TRPM1: variants seen among roughly 807,000 people sequenced by gnomAD.
TRPM1 encodes transient receptor potential cation channel subfamily M member 1, also known as TRPM1-203 APA Isoform, Intron 10.
A neutral mutation model predicts 149.4 loss-of-function variants in TRPM1; 113 were observed. The ratio of observed to expected loss-of-function variants is 0.76; its 90% CI spans 0.65 to 0.88. The LOEUF is 0.88. TRPM1 is among the 40% of genes least tolerant of loss of function. The probability of loss-of-function intolerance (pLI) is 0.00; values close to 1 mark genes in which losing one functional copy is unlikely to be tolerated. For synonymous variants in TRPM1, 741 were observed against 759.5 expected (o/e 0.98, Z 0.40); for missense variants, 1,976 against 2,038.7 (o/e 0.97, Z 0.59).
Position 31,067,117 on chromosome 15 carries a change from T to G in TRPM1, c.564A>C (p.Ile188=), listed in dbSNP as rs886793709. 2 of 1,614,072 alleles carry G rather than the reference T, an allele frequency of 1.2e-6. No homozygotes were observed. The highest frequency in any genetic ancestry group is 2.2e-5 in the East Asian group (1 of 44,902). Residue 188 remains isoleucine, a synonymous_variant, in exon 6 of 28, where the codon ATA becomes ATC. Transcript: ENST00000256552. The part of the protein sequence containing the change: ...SSKSRGRVCA[I]GIAPWGIVEN... The stretch of plus-strand genomic sequence containing the variant: ...CCACGATGCCCCATGGAGCAATTCC[T>G]ATAGCACAAACCCGGCCTCTGGACT...
At chr15:31,067,743 A>G (rs2034420172) in intron 5 of TRPM1, 136 bp downstream of exon 5, 2 of 869,254 alleles carry the variant, frequency 2.3e-6, no homozygotes, top group African/African-American at 3.4e-5. Context: ...CTAGGGAATA[A>G]AGACTTCACT....
At chr15:31,143,368 T>C (rs1260935550) in intron 1 of TRPM1, among the ~76,000 whole-genome samples, 1 of 152,148 alleles carries the variant, frequency 6.6e-6, no homozygotes, top group Non-Finnish European at 1.5e-5. Context: ...GTTGGTTCAT[T>C]TAATGTTTTG....
chr15:31,100,811 A>G (rs1229477622), intron 1 of TRPM1, among the ~76,000 whole-genome samples: 1 of 152,172 alleles, frequency 6.6e-6, no homozygotes, highest in Non-Finnish European at 1.5e-5. Flanking sequence ...ACAGACCATG[A>G]TTGATGTGTC....
chr15:31,113,551 ATG>A (rs1416092407), intron 1 of TRPM1, among the ~76,000 whole-genome samples: 1 of 149,434 alleles, frequency 6.7e-6, no homozygotes, highest in African/African-American at 2.5e-5. Context: ...TACTCCTAAA[ATG>A]TTTTTTTTTA....
Position 31,040,416 on chromosome 15 carries a change from C to T in TRPM1, c.2088-70G>A. 7.5e-7 allele frequency: 1 copy of T among 1,338,560 alleles called. No homozygotes were observed. 82.9% of individuals were successfully genotyped at this position (1,338,560 alleles called of 1,614,324 possible). A position where few individuals can be genotyped will look rare whatever the true frequency, so the allele number is the denominator to read the frequency against. Reference sequence around the variant, plus strand: ...AAGCTGTTTCTTAGACAGGCATATCCACCAAGGACTTATGGAGCCACGGGA... The same window carrying T: ...AAGCTGTTTCTTAGACAGGCATATCTACCAAGGACTTATGGAGCCACGGGA... On this transcript the variant is annotated intron_variant, in intron 17 of 27. Coordinates refer to ENST00000256552, the MANE Select transcript of TRPM1 (RefSeq NM_001252024.2). This position sits in a 1 kb window ranked among gnomAD's most constrained non-coding sequence, Gnocchi z 4.2.
intron 16 of TRPM1, among the ~76,000 whole-genome samples, chr15:31,044,819 G>C (rs7173932): frequency 0.7 from 104,314 of 148,198 alleles, 37,105 homozygotes; most frequent in East Asian, 0.95. Flanking sequence ...CAAGAAATGA[G>C]ACACAACTGA....
At chr15:31,132,280 G>A (rs1236570105) in intron 1 of TRPM1, among the ~76,000 whole-genome samples, 9 of 152,130 alleles carry the variant, frequency 5.9e-5, no homozygotes, top group African/African-American at 1.9e-4. Flanking sequence ...CCATCCCCCC[G>A]AGGAGGTCCA....
In TRPM1 at chr15:31,002,551, T is replaced by C. The variant is rs559030868; in HGVS notation, c.4149A>G (p.Ser1383=). The change falls in exon 28 of 28, where the codon TCA becomes TCG. Residue 1383 remains serine (S), a synonymous_variant. Transcript: ENST00000256552. ...ESKLGPDIGI[S]KEDDERQTDS... Reference sequence around the variant, plus strand: ...CTGTCTGTCTTTCATCATCTTCCTTTGAAATCCCAATATCTGGACCTAATT... The same window carrying C: ...CTGTCTGTCTTTCATCATCTTCCTTCGAAATCCCAATATCTGGACCTAATT... 1 of 1,614,186 alleles carries C rather than the reference T, an allele frequency of 6.2e-7. No homozygotes were observed. Among genetic ancestry groups the C allele is most frequent in the South Asian group, 1.1e-5 (1 of 91,090 alleles).
Position 31,026,977 on chromosome 15 carries a change from C to G in TRPM1, c.3434G>C (p.Arg1145Pro). ...ILSHIYIIIM[R>P]LSGRCRKKRE... Reference sequence around the variant, plus strand: ...CTTTTTCCTGCAGCGGCCGCTGAGACGCATAATGATGATGTAGATGTGGCT... The same window carrying G: ...CTTTTTCCTGCAGCGGCCGCTGAGAGGCATAATGATGATGTAGATGTGGCT... Residue 1145 changes from arginine (R) to proline (P), a missense_variant, in exon 26 of 28, where the codon CGT (arginine) becomes CCT (proline). Around this residue, in one of 3 missense-constraint regions of TRPM1, gnomAD observed 72 missense variants for 112.7 expected, o/e 0.64. Transcript: ENST00000256552. 6.2e-7 allele frequency: 1 copy of G among 1,614,108 alleles called. No individual in the cohort carries two copies. Among genetic ancestry groups the G allele is most frequent in the South Asian group, 1.1e-5 (1 of 91,072 alleles).
intron 21 of TRPM1, among the ~76,000 whole-genome samples, chr15:31,033,970 G>T (rs1042955673): frequency 2.6e-5 from 4 of 152,218 alleles, no homozygotes; most frequent in Admixed American, 2.6e-4. Context: ...GATGCCATCA[G>T]ATTCCCTCTA....
intron 1 of TRPM1, among the ~76,000 whole-genome samples, chr15:31,133,110 G>A (rs1483955646): frequency 6.6e-6 from 1 of 152,204 alleles, no homozygotes; most frequent in Admixed American, 6.5e-5. Flanking sequence ...GAGGAATTTA[G>A]AGACACTGAC....
At chr15:31,105,470 TGTGCGC>T (rs765853899), upstream of TRPM1, among the ~76,000 whole-genome samples, 18 of 117,986 alleles carry the variant, frequency 1.5e-4, no homozygotes, top group South Asian at 3.0e-3. Flanking sequence ...TGTGTGTGTG[TGTGCGC>T]GCGCGCGCGC....
At position 31,062,848 on chromosome 15, in the gene TRPM1, C is replaced by T. The variant is rs1330622109; in HGVS notation, c.966-146G>A. The T allele has an allele frequency of 2.8e-5, 29 of 1,035,464 alleles. 1 individual carries two copies. The highest frequency in any genetic ancestry group is 2.2e-4 in the South Asian group (16 of 72,908). The allele number at this position is 1,035,464 out of a possible 1,614,324, so 64.1% of individuals were successfully genotyped here. A position where few individuals can be genotyped will look rare whatever the true frequency, so the allele number is the denominator to read the frequency against. ...ACAAAAAGTAACCATAGTCAAACAT[C>T]GTATTCTCACTTGTCCTAAATTCCA... On this transcript the variant is annotated intron_variant, in intron 8 of 27. Transcript: ENST00000256552.
chr15:31,047,785 C>T (rs776261560), intron 14 of TRPM1, 104 bp downstream of exon 14: 3 of 930,600 alleles, frequency 3.2e-6, no homozygotes, highest in Non-Finnish European at 5.4e-6. Flanking sequence ...TCATTATCTC[C>T]TGTGCCTGGA....
At chr15:31,138,411 C>G (rs1301046286) in intron 1 of TRPM1, among the ~76,000 whole-genome samples, 2 of 152,124 alleles carry the variant, frequency 1.3e-5, no homozygotes, top group South Asian at 2.1e-4. Context: ...GGGACAACCT[C>G]TCTCTTGGAA....
rs762942122 is a variant in TRPM1, at chr15:31,067,892, C to T, written c.480G>A (p.Gly160=). The change falls in exon 5 of 28, where the codon GGG becomes GGA. Residue 160 remains glycine (G), a synonymous_variant. Coordinates refer to ENST00000256552, the MANE Select transcript of TRPM1 (RefSeq NM_001252024.2). Reference sequence around the variant, plus strand: ...GCCTGCTCTTACCTGTGCTGACACCCCCGGTGAAGATCCAGGCCCCGGTGG... The same window carrying T: ...GCCTGCTCTTACCTGTGCTGACACCTCCGGTGAAGATCCAGGCCCCGGTGG... ...AMTTGAWIFT[G]GVSTGVISHV... 1.9e-6 allele frequency: 3 copies of T among 1,612,858 alleles called. No individual in the cohort carries two copies. The highest frequency in any genetic ancestry group is 1.7e-5 in the Admixed American group (1 of 59,982).
chr15:31,149,365 C>A (rs974951739), intron 1 of TRPM1, among the ~76,000 whole-genome samples: 1 of 152,110 alleles, frequency 6.6e-6, no homozygotes, highest in Non-Finnish European at 1.5e-5. Flanking sequence ...GCTTAAGAAA[C>A]CAAGTTTTTC....
chr15:31,104,292 G>T (rs572984440), upstream of TRPM1, among the ~76,000 whole-genome samples: 2 of 152,304 alleles, frequency 1.3e-5, no homozygotes, highest in African/African-American at 4.8e-5. Context: ...GCCCTGATGA[G>T]GTCATGGGAG....
At chr15:31,088,802 T>TGG (rs57567619) in intron 1 of TRPM1, among the ~76,000 whole-genome samples, 149 of 150,316 alleles carry the variant, frequency 9.9e-4, no homozygotes, top group African/African-American at 3.3e-3. Context: ...TTCTTTCTGC[T>TGG]GGGGGGATGC....
Sources: gnomAD v4.1 joint callset for allele counts (sites outside exome capture counted in the v4.1 genomes callset) on GRCh38, gnomAD v4.1.1 for gene constraint, gnomAD v4.1.1 regional missense constraint, Gnocchi (gnomAD v3.1) non-coding constraint, MANE v1.5 for transcripts, NCBI Gene and HGNC (gene_info 2026-07-23, HGNC 2026-07-21) for gene names.